The following DOK7 variants were observed in gnomAD, a reference collection of about 807,000 sequenced individuals.
The protein encoded by DOK7 is docking protein 7.
In DOK7, 32 loss-of-function variants were observed where a neutral mutation model predicts 30.7. That is an observed-to-expected ratio of 1.04 (90% confidence interval 0.79 to 1.40). DOK7 has a LOEUF of 1.40. DOK7 is among the 40% of genes most tolerant of loss of function. The pLI is 0.00. For synonymous variants in DOK7, 447 were observed against 324.1 expected, an observed-to-expected ratio of 1.38 and a Z score of -4.07; for missense variants, 1,007 against 699.2, an observed-to-expected ratio of 1.44 and a Z score of -4.97.
intron 5 of DOK7, among the ~76,000 whole-genome samples, chr4:3,486,363 C>T (rs574993189): frequency 3.3e-4 from 50 of 152,370 alleles, no homozygotes; most frequent in Non-Finnish European, 6.6e-4. Context: ...ACGAGGGCAG[C>T]GCTTGACCCA....
At chr4:3,482,243 A>AT (rs577761422) in intron 4 of DOK7, among the ~76,000 whole-genome samples, 233 of 152,236 alleles carry the variant, frequency 1.5e-3, no homozygotes, top group African/African-American at 5.3e-3. Flanking sequence ...CTGGCTGGCA[A>AT]TTCTGTGGGC....
chr4:3,463,526 G>A lies in DOK7; in HGVS notation c.75G>A (p.Val25=). The A allele has an allele frequency of 6.6e-7, 1 of 1,517,428 alleles. No homozygotes were observed. Among genetic ancestry groups the A allele is most frequent in the Middle Eastern group, 2.3e-4 (1 of 4,296 alleles). 94.0% of individuals were successfully genotyped at this position (1,517,428 alleles called of 1,614,324 possible). Residue 25 remains valine, a synonymous_variant, in exon 2 of 7, where the codon GTG becomes GTA. Coordinates refer to ENST00000340083, the MANE Select transcript of DOK7 (RefSeq NM_173660.5). ...CGCAGTGGAAGAGTAGGTGGCTGGT[G>A]CTGCGGAAGCCGTCGCCCGTGGCAG... ...DGKKWKSRWL[V]LRKPSPVADC...
At chr4:3,468,838 CGTGT>C (rs1467495711) in intron 2 of DOK7, among the ~76,000 whole-genome samples, 5 of 134,512 alleles carry the variant, frequency 3.7e-5, no homozygotes, top group East Asian at 4.6e-4. Context: ...TGTGTGTGTG[CGTGT>C]ATGTGTGTGC....
intron 6 of DOK7, chr4:3,500,115 C>T (rs1476225162): frequency 1.4e-5 from 15 of 1,063,076 alleles, no homozygotes; most frequent in Non-Finnish European, 1.9e-5. Context: ...GAACATGGAG[C>T]GGGAACTTCC....
intron 3 of DOK7, among the ~76,000 whole-genome samples, chr4:3,474,015 TCCC>T (rs1453241057): frequency 7.8e-6 from 1 of 128,250 alleles, no homozygotes; most frequent in Admixed American, 8.0e-5. Flanking sequence ...CACCCCAGCT[TCCC>T]CCCAAAACAG....
chr4:3,463,530 C>T lies in DOK7; in HGVS notation c.79C>T (p.Arg27Trp), dbSNP rs1365017215. 1 of 1,296,224 alleles carries T rather than the reference C, an allele frequency of 7.7e-7. No individual in the cohort carries two copies. The highest frequency in any genetic ancestry group is 1.0e-6 in the Non-Finnish European group (1 of 1,001,976). 80.3% of individuals were successfully genotyped at this position (1,296,224 alleles called of 1,614,324 possible). A position where few individuals can be genotyped will look rare whatever the true frequency, so the allele number is the denominator to read the frequency against. Residue 27 changes from arginine (R) to tryptophan (W), a missense_variant, in exon 2 of 7, where the codon CGG (arginine) becomes TGG (tryptophan). Physicochemically the swap from Arg to Trp is moderately radical, Grantham distance 101. Coordinates refer to ENST00000340083, the MANE Select transcript of DOK7 (RefSeq NM_173660.5). ...KKWKSRWLVL[R>W]KPSPVADCLL... ...GTGGAAGAGTAGGTGGCTGGTGCTGCGGAAGCCGTCGCCCGTGGCAGGTGA... is the reference window on the plus strand; with the variant it reads ...GTGGAAGAGTAGGTGGCTGGTGCTGTGGAAGCCGTCGCCCGTGGCAGGTGA...
At chr4:3,487,487 G>C (rs1727885240) in intron 5 of DOK7, among the ~76,000 whole-genome samples, 1 of 152,248 alleles carries the variant, frequency 6.6e-6, no homozygotes, top group African/African-American at 2.4e-5. Flanking sequence ...AGGAAGTCCA[G>C]CCCCTTGGTC....
At chr4:3,490,605 T>TCCCTGCTCATTCATTCCTTCCTCTGCTCC (rs150441955) in intron 6 of DOK7, among the ~76,000 whole-genome samples, 3 of 80,818 alleles carry the variant, frequency 3.7e-5, no homozygotes, top group African/African-American at 5.5e-5. Context: ...ATTTCTTCTC[T>TCCCTGCTCATTCATTCCTTCCTCTGCTCC]CCCTGCTCGT....
At position 3,492,993 on chromosome 4, in the gene DOK7, C is replaced by G. The variant is rs377757018; in HGVS notation, c.1007C>G (p.Ser336Trp). 2 of 1,558,506 alleles carry G rather than the reference C, an allele frequency of 1.3e-6. No homozygotes were observed. Among genetic ancestry groups the G allele is most frequent in the Admixed American group, 1.9e-5 (1 of 52,920 alleles). The part of the protein sequence containing the change: ...QLQEVGRQSS[S>W]DSGIATGSHS... ...CAGGAGGTTGGCCGCCAGAGCTCCT[C>G]GGACAGCGGCATCGCCACTGGCAGC... Residue 336 changes from serine to tryptophan, a missense_variant, in exon 7 of 7, where the codon TCG (serine) becomes TGG (tryptophan). Physicochemically the swap from Ser to Trp is radical, Grantham distance 177. Transcript: ENST00000340083.
chr4:3,486,129 C>T (rs1329941884), intron 5 of DOK7, among the ~76,000 whole-genome samples: 2 of 152,206 alleles, frequency 1.3e-5, no homozygotes, highest in South Asian at 2.1e-4. Flanking sequence ...TCGGGAGGTC[C>T]CCTGGCTGTG....
Position 3,463,391 on chromosome 4 carries a change from C to T in DOK7, c.16C>T (p.Leu6=). The T allele has an allele frequency of 1.4e-6, 2 of 1,392,604 alleles. No individual in the cohort carries two copies. Among genetic ancestry groups the T allele is most frequent in the Non-Finnish European group, 1.9e-6 (2 of 1,075,768 alleles). The allele number at this position is 1,392,604 out of a possible 1,614,324, so 86.3% of individuals were successfully genotyped here. MTEAA[L]VEGQVKLRDG... is the part of the protein sequence containing the mutation. ...ATGACAGAAGATGACCGAGGCGGCG[C>T]TGGTGGAGGGCCAGGTCAAGCTGCG... The change falls in exon 1 of 7, where the codon CTG becomes TTG. Residue 6 remains leucine (L), a synonymous_variant. Transcript: ENST00000340083.
At chr4:3,490,633 G>T (rs60122906) in intron 6 of DOK7, among the ~76,000 whole-genome samples, 3 of 85,478 alleles carry the variant, frequency 3.5e-5, no homozygotes, top group Admixed American at 3.2e-4. Flanking sequence ...TTCCCTCTCC[G>T]CCTGCTCGTT....
chr4:3,465,220 G>A lies in DOK7; in HGVS notation c.100+1669G>A, dbSNP rs900244110. 1.3e-4 allele frequency among the ~76,000 whole-genome samples: 20 copies of A among 152,170 alleles called. 1 individual carries two copies. The highest frequency in any genetic ancestry group is 1.1e-3 in the Admixed American group (17 of 15,288). On this transcript the variant is annotated intron_variant, in intron 2 of 6. Coordinates refer to ENST00000340083, the MANE Select transcript of DOK7 (RefSeq NM_173660.5). ...GTCAGATGAGGGGATGGGACAGAGC[G>A]GAGTTCTCACGCCCACCTCCCCACC...
chr4:3,484,689 G>A (rs1727651550), intron 4 of DOK7: 3 of 985,558 alleles, frequency 3.0e-6, no homozygotes, highest in Non-Finnish European at 3.6e-6. Context: ...CTGCTGCTGT[G>A]GGGGTGCAGG....
chr4:3,489,381 A>G (rs986425204), intron 5 of DOK7, among the ~76,000 whole-genome samples: 3 of 151,950 alleles, frequency 2.0e-5, no homozygotes, highest in Admixed American at 6.6e-5. Flanking sequence ...CTCGGTGGTG[A>G]GGAAGATGAG....
At chr4:3,484,441 G>A (rs1044047764) in intron 4 of DOK7, 86 of 971,710 alleles carry the variant, frequency 8.9e-5, no homozygotes, top group African/African-American at 1.1e-4. Context: ...TCCCTCCTGC[G>A]TACCTTTCTT....
chr4:3,493,377 C>G lies in DOK7; in HGVS notation c.1391C>G (p.Ala464Gly). The G allele has an allele frequency of 1.9e-6, 3 of 1,595,532 alleles. No individual in the cohort carries two copies. Among genetic ancestry groups the G allele is most frequent in the Non-Finnish European group, 2.6e-6 (3 of 1,171,706 alleles). ...LVMEAPQGSE[A>G]TLPGPAPGEP... ...ATGGAGGCCCCCCAGGGCAGCGAGG[C>G]CACACTGCCTGGCCCTGCCCCTGGC... The change falls in exon 7 of 7, where the codon GCC becomes GGC. Residue 464 changes from alanine to glycine, a missense_variant. By Grantham distance (60) the Ala-to-Gly change is moderately conservative. Coordinates refer to ENST00000340083, the MANE Select transcript of DOK7 (RefSeq NM_173660.5).
chr4:3,475,415 G>C (rs947066670), intron 3 of DOK7, among the ~76,000 whole-genome samples: 2 of 152,210 alleles, frequency 1.3e-5, no homozygotes, highest in Non-Finnish European at 2.9e-5. Context: ...GGGTCCCTTT[G>C]GCTCTGGGGG....
At chr4:3,471,091 T>C (rs1002939209) in intron 2 of DOK7, among the ~76,000 whole-genome samples, 2 of 152,258 alleles carry the variant, frequency 1.3e-5, no homozygotes, top group African/African-American at 4.8e-5. Context: ...TGCTGAGCAC[T>C]GAGGGTGAGC....
Sources: gnomAD v4.1 joint callset for allele counts (sites outside exome capture counted in the v4.1 genomes callset) on GRCh38, gnomAD v4.1.1 for gene constraint, MANE v1.5 for transcripts, NCBI Gene and HGNC (gene_info 2026-07-23, HGNC 2026-07-21) for gene names.